Variants in PTK7 observed in about 807,000 individuals in gnomAD.
PTK7 encodes the protein inactive tyrosine-protein kinase 7.
In PTK7, 39 loss-of-function variants were observed where a neutral mutation model predicts 116.6. That is an observed-to-expected ratio of 0.33 (90% CI 0.26 to 0.44). PTK7 has a LOEUF of 0.44. Ranked by LOEUF, PTK7 falls within the 20% of genes least tolerant of loss-of-function variation. PTK7 has a pLI of 1.00. For synonymous variants in PTK7, 546 were observed against 563.6 expected, an observed-to-expected ratio of 0.97 and a Z score of 0.44; for missense variants, 1,169 against 1,425.6, an observed-to-expected ratio of 0.82 and a Z score of 2.90.
chr6:43,126,474 T>A (rs1317562765), intron 1 of PTK7, among the ~76,000 whole-genome samples: 1 of 152,142 alleles, frequency 6.6e-6, no homozygotes, highest in Non-Finnish European at 1.5e-5. Flanking sequence ...AGAGGTCACT[T>A]TGGTTCAGGC....
chr6:43,077,623 G>T (rs1384087410), intron 1 of PTK7, among the ~76,000 whole-genome samples: 1 of 152,084 alleles, frequency 6.6e-6, no homozygotes, highest in East Asian at 1.9e-4. Flanking sequence ...TAAAGCCCCC[G>T]ACCCTCCACA....
chr6:43,079,914 T>C (rs1766276336), intron 1 of PTK7, among the ~76,000 whole-genome samples: 1 of 148,850 alleles, frequency 6.7e-6, no homozygotes, highest in Non-Finnish European at 1.5e-5. Flanking sequence ...AAAAAAAAAT[T>C]GCCAGGCATG....
chr6:43,123,905 G>A (rs193217453), intron 1 of PTK7, among the ~76,000 whole-genome samples: 4 of 152,328 alleles, frequency 2.6e-5, no homozygotes, highest in African/African-American at 9.6e-5. Context: ...AGGTGGGGTG[G>A]TGGCCGCTGT....
Position 43,161,001 on chromosome 6 carries a change from G to A in PTK7, c.*120G>A, listed in dbSNP as rs1300866053. ...TGAGGCCCCTGCCCTAGTGCAACAG[G>A]CATTGCTGAGGTCTGAGCAGGGCCT... is the stretch of plus-strand genomic sequence containing the variant. On this transcript the variant is annotated 3_prime_UTR_variant, in exon 20 of 20. Coordinates refer to ENST00000230419, the MANE Select transcript of PTK7 (RefSeq NM_002821.5). 2.2e-6 allele frequency: 3 copies of A among 1,349,832 alleles called. No homozygotes were observed. Among genetic ancestry groups the A allele is most frequent in the East Asian group, 5.0e-5 (2 of 39,980 alleles). The allele number at this position is 1,349,832 out of a possible 1,614,324, so 83.6% of individuals were successfully genotyped here.
At chr6:43,125,293 C>T (rs1769223648) in intron 1 of PTK7, among the ~76,000 whole-genome samples, 2 of 152,252 alleles carry the variant, frequency 1.3e-5, no homozygotes. Context: ...TGATGTTTCC[C>T]AGGCCCAGTC....
chr6:43,140,280 C>T (rs961415618), intron 10 of PTK7, among the ~76,000 whole-genome samples: 1 of 151,968 alleles, frequency 6.6e-6, no homozygotes, highest in Non-Finnish European at 1.5e-5. Context: ...AGTGAAACCT[C>T]GTCTCTACTG....
intron 12 of PTK7, 44 bp downstream of exon 12, chr6:43,142,125 C>T (rs1358509152): frequency 1.9e-6 from 3 of 1,610,896 alleles, no homozygotes; most frequent in Non-Finnish European, 1.7e-6. Flanking sequence ...TCTCCTGCAG[C>T]CCCCCTCCCT....
intron 18 of PTK7, 92 bp downstream of exon 18, chr6:43,159,060 T>C: frequency 6.6e-7 from 1 of 1,505,522 alleles, no homozygotes; most frequent in African/African-American, 1.4e-5. Flanking sequence ...GGGAAAGGGT[T>C]TAGTGCCTGC....
intron 1 of PTK7, among the ~76,000 whole-genome samples, chr6:43,126,191 G>A (rs1453111909): frequency 2.6e-5 from 4 of 152,092 alleles, no homozygotes; most frequent in African/African-American, 4.8e-5. Context: ...GTGGTGGTGC[G>A]TAGCTGTAAT....
At position 43,143,593 on chromosome 6, in the gene PTK7, G is replaced by A. The variant is rs1770551050; in HGVS notation, c.2224G>A (p.Glu742Lys). Reference protein sequence around the residue: ...AKRLQKQPEGEEPEMECLNGG... With the variant: ...AKRLQKQPEGKEPEMECLNGG... ...GCGGCTGCAGAAGCAGCCCGAGGGC[G>A]AGGAGCCAGAGATGGAATGCCTCAA... Residue 742 changes from glutamate to lysine, a missense_variant, in exon 14 of 20, where the codon GAG (glutamate) becomes AAG (lysine). Physicochemically the swap from Glu to Lys is moderately conservative, Grantham distance 56. Transcript: ENST00000230419. This position sits in a 1 kb window ranked among gnomAD's most constrained non-coding sequence, Gnocchi z 4.2. The A allele has an allele frequency of 5.6e-6, 9 of 1,612,568 alleles. No homozygotes were observed. Among genetic ancestry groups the A allele is most frequent in the East Asian group, 2.2e-5 (1 of 44,894 alleles).
Position 43,129,779 on chromosome 6 carries a change from C to G in PTK7, c.420C>G (p.Ile140Met). 6.2e-7 allele frequency: 1 copy of G among 1,614,180 alleles called. No homozygotes were observed. Among genetic ancestry groups the G allele is most frequent in the Non-Finnish European group, 8.5e-7 (1 of 1,180,040 alleles). The change falls in exon 3 of 20, where the codon ATC (isoleucine) becomes ATG (methionine). Residue 140 changes from isoleucine to methionine, a missense_variant. Physicochemically the swap from Ile to Met is conservative, Grantham distance 10. Transcript: ENST00000230419. The surrounding 1 kb of genome is among the most constrained non-coding windows in gnomAD (Gnocchi z 4.5). ...VLKHPASEAE[I>M]QPQTQVTLRC... ...AGCATCCAGCCTCGGAAGCTGAGAT[C>G]CAGCCACAGACCCAGGTCACACTTC...
In PTK7 at chr6:43,145,131, C is replaced by A; in HGVS notation, c.2408-69C>A. ...GTCCCCACTGTGGGAGAGGCTAGGC[C>A]CCTCCCCCAGGTCAGGAGCTGCCTC... On this transcript the variant is annotated intron_variant, in intron 15 of 19. Transcript: ENST00000230419. This position sits in a 1 kb window ranked among gnomAD's most constrained non-coding sequence, Gnocchi z 4.8. 7.0e-7 allele frequency: 1 copy of A among 1,430,848 alleles called. No homozygotes were observed. Among genetic ancestry groups the A allele is most frequent in the Non-Finnish European group, 9.5e-7 (1 of 1,055,764 alleles). 88.6% of individuals were successfully genotyped at this position (1,430,848 alleles called of 1,614,324 possible).
intron 17 of PTK7, among the ~76,000 whole-genome samples, chr6:43,148,445 A>T (rs1453428512): frequency 6.6e-6 from 1 of 152,204 alleles, no homozygotes; most frequent in Non-Finnish European, 1.5e-5. Context: ...GTTAACAAAG[A>T]AGTCTTCCTA....
chr6:43,139,298 C>T lies in PTK7; in HGVS notation c.1498+27C>T, dbSNP rs1287474827. ...TGAGCCAGCATGTCTTGGGGGAGCA[C>T]CCTTCCTGGCTAGGCAGGAGAGGAA... On this transcript the variant is annotated intron_variant, in intron 9 of 19. Transcript: ENST00000230419. This position sits in a 1 kb window ranked among gnomAD's most constrained non-coding sequence, Gnocchi z 4.6. 2.5e-6 allele frequency: 4 copies of T among 1,614,224 alleles called. No individual in the cohort carries two copies. Among genetic ancestry groups the T allele is most frequent in the East Asian group, 2.2e-5 (1 of 44,884 alleles).
intron 1 of PTK7, among the ~76,000 whole-genome samples, chr6:43,091,389 A>G (rs891004538): frequency 6.7e-6 from 1 of 149,858 alleles, no homozygotes. Context: ...CTGGTCTCCA[A>G]CTCCTGACCT....
intron 17 of PTK7, among the ~76,000 whole-genome samples, chr6:43,150,110 A>T (rs1770980783): frequency 6.6e-6 from 1 of 152,266 alleles, no homozygotes; most frequent in African/African-American, 2.4e-5. Flanking sequence ...TGATTGCTTC[A>T]TGGATCACTT....
At chr6:43,144,272 A>C in intron 14 of PTK7, 179 bp from the exon 15 acceptor site, 1 of 713,424 alleles carries the variant, frequency 1.4e-6, no homozygotes, top group African/African-American at 1.8e-5. Flanking sequence ...GGGGATAGCC[A>C]TACATCCCCC....
At chr6:43,160,531 C>T (rs537044053) in intron 19 of PTK7, among the ~76,000 whole-genome samples, 190 bp from the exon 20 acceptor site, 38 of 152,284 alleles carry the variant, frequency 2.5e-4, no homozygotes, top group African/African-American at 3.9e-4. Flanking sequence ...GCATGGACCC[C>T]GTCCTACCAG....
At chr6:43,152,020 A>AT (rs919605501) in intron 17 of PTK7, among the ~76,000 whole-genome samples, 6 of 147,662 alleles carry the variant, frequency 4.1e-5, no homozygotes, top group Non-Finnish European at 9.0e-5. Flanking sequence ...AATTTTTTGT[A>AT]TTTTTTTTAG....
Sources: allele counts gnomAD v4.1 joint callset (sites outside exome capture counted in the v4.1 genomes callset), GRCh38; gene constraint gnomAD v4.1.1; non-coding constraint Gnocchi (gnomAD v3.1); transcripts MANE v1.5; gene names NCBI Gene and HGNC (gene_info 2026-07-23, HGNC 2026-07-21).